MIB2: variants seen among roughly 807,000 people sequenced by gnomAD.
MIB2 encodes MIB E3 ubiquitin protein ligase 2.
Under a neutral mutation model 96.6 loss-of-function variants are expected in MIB2, and 78 were observed. The observed-to-expected ratio is 0.81, with a 90% confidence interval of 0.67 to 0.97. The LOEUF is 0.97. Among genes scored for constraint, MIB2 ranks in the 50% least tolerant of loss-of-function variants. MIB2 has a pLI of 0.00. For missense variants in MIB2, 1,543 were observed against 1,424.0 expected, an observed-to-expected ratio of 1.08 and a Z score of -1.35; for synonymous variants, 820 against 629.5, an observed-to-expected ratio of 1.30 and a Z score of -4.53.
chr1:1,628,570 G>A lies in MIB2; in HGVS notation c.2050G>A (p.Val684Met). The A allele has an allele frequency of 6.2e-7, 1 of 1,601,356 alleles. No homozygotes were observed. Reference sequence around the variant, plus strand: ...CGTGCAACAGGCCCACGTGGGGCTGGTGCCGCTACTGGTGGACGCTGGGTG... The same window carrying A: ...CGTGCAACAGGCCCACGTGGGGCTGATGCCGCTACTGGTGGACGCTGGGTG... ...LAVQQAHVGL[V>M]PLLVDAGCSV... Residue 684 changes from valine to methionine, a missense_variant, in exon 16 of 20, where the codon GTG becomes ATG. Coordinates refer to ENST00000355826, the MANE Select transcript of MIB2 (RefSeq NM_001170687.4).
intron 2 of MIB2, among the ~76,000 whole-genome samples, chr1:1,619,772 C>T (rs1644087981): frequency 6.6e-6 from 1 of 152,200 alleles, no homozygotes; most frequent in South Asian, 2.1e-4. Context: ...GTTCCAGGCA[C>T]AAGAAGTGAG....
rs1043240439 is a variant in MIB2, at chr1:1,623,648, G to A, written c.196G>A (p.Ala66Thr). The stretch of plus-strand genomic sequence containing the variant: ...CCAGGGCACGCGCACCAACTACCGC[G>A]CCGGCTACCAGGGCGCGCACGACCT... ...WDQGTRTNYR[A>T]GYQGAHDLLL... Residue 66 changes from alanine to threonine, a missense_variant, in exon 3 of 20, where the codon GCC (alanine) becomes ACC (threonine). Coordinates refer to ENST00000355826, the MANE Select transcript of MIB2 (RefSeq NM_001170687.4). 8.8e-6 allele frequency: 13 copies of A among 1,477,740 alleles called. 1 individual carries two copies. The highest frequency in any genetic ancestry group is 6.8e-5 in the South Asian group (5 of 73,960). The allele number at this position is 1,477,740 out of a possible 1,614,324, so 91.5% of individuals were successfully genotyped here.
At chr1:1,627,957 T>C in intron 13 of MIB2, 62 bp from the exon 14 acceptor site, 1 of 1,606,792 alleles carries the variant, frequency 6.2e-7, no homozygotes, top group South Asian at 1.1e-5. Flanking sequence ...GCTCCCTGGG[T>C]GCCCTGGCTC....
chr1:1,629,168 G>A lies in MIB2; in HGVS notation c.2238G>A (p.Leu746=). ...CGGGCCTCCCCGGCAGCGCGGAGCT[G>A]ACGGTGGGCGCGGCGGTCGCCTGCT... ...QASGLPGSAE[L]TVGAAVACFL... Residue 746 remains leucine (L), a synonymous_variant, in exon 17 of 20, where the codon CTG becomes CTA. Coordinates refer to ENST00000355826, the MANE Select transcript of MIB2 (RefSeq NM_001170687.4). The A allele has an allele frequency of 6.6e-7, 1 of 1,504,940 alleles. No homozygotes were observed. Among genetic ancestry groups the A allele is most frequent in the Non-Finnish European group, 8.8e-7 (1 of 1,135,056 alleles). 93.2% of individuals were successfully genotyped at this position (1,504,940 alleles called of 1,614,324 possible).
chr1:1,626,605 C>T lies in MIB2; in HGVS notation c.973-45C>T, dbSNP rs1352580965. On this transcript the variant is annotated intron_variant, in intron 8 of 19. Transcript: ENST00000355826. This position sits in a 1 kb window ranked among gnomAD's most constrained non-coding sequence, Gnocchi z 5.3. ...CCTCCTGTTGCATGAGCCTGGGCAG[C>T]CACACACAGCTGGGGGGCCCCTCAC... 6 of 1,459,460 alleles carry T rather than the reference C, an allele frequency of 4.1e-6. No individual in the cohort carries two copies. Among genetic ancestry groups the T allele is most frequent in the Non-Finnish European group, 4.6e-6 (5 of 1,095,490 alleles). 90.4% of individuals were successfully genotyped at this position (1,459,460 alleles called of 1,614,324 possible). A position where few individuals can be genotyped will look rare whatever the true frequency, so the allele number is the denominator to read the frequency against.
rs760006051 is a variant in MIB2 at position 1,623,952 on chromosome 1, C to T, written c.419+7C>T. On this transcript the variant is annotated splice_region_variant and intron_variant, in intron 4 of 19. Transcript: ENST00000355826. ...AGACCGCTCACTCGCGCCCGTGAGT[C>T]CCGGGCCGCACCGGCTCCTGTGCGG... is the stretch of plus-strand genomic sequence containing the variant. The T allele has an allele frequency of 1.1e-5, 18 of 1,600,448 alleles. No individual in the cohort carries two copies. Among genetic ancestry groups the T allele is most frequent in the Non-Finnish European group, 1.5e-5 (18 of 1,171,072 alleles).
intron 19 of MIB2, 91 bp downstream of exon 19, chr1:1,629,795 C>T (rs1267265557): frequency 1.5e-6 from 2 of 1,330,838 alleles, no homozygotes; most frequent in East Asian, 2.8e-5. Flanking sequence ...CACACTTCCG[C>T]CCATGGCCCT....
At chr1:1,628,824 C>A in intron 16 of MIB2, 102 bp downstream of exon 16, 1 of 1,069,530 alleles carries the variant, frequency 9.3e-7, no homozygotes, top group Non-Finnish European at 1.3e-6. Context: ...CCAGTGATGG[C>A]CCAGGGAGCC....
In MIB2 at chr1:1,627,891, T is replaced by G. The variant is rs74047811; in HGVS notation, c.1680+62T>G. 3,086 of 1,593,640 alleles carry G rather than the reference T, an allele frequency of 1.9e-3. 46 individuals carry two copies. In the African/African-American group the frequency reaches 0.037, roughly 19 times the overall value. ...GTGAGTGCTTGTCCCTGGCCTGGGT[T>G]CCCTCTGCCCATGTGTGCTGCTCCC... On this transcript the variant is annotated intron_variant, in intron 13 of 19. Transcript: ENST00000355826.
In MIB2 at chr1:1,627,829, C is replaced by A. The variant is rs769859966; in HGVS notation, c.1680C>A (p.Pro560=). The A allele has an allele frequency of 6.3e-7, 1 of 1,593,152 alleles. No homozygotes were observed. Among genetic ancestry groups the A allele is most frequent in the South Asian group, 1.1e-5 (1 of 90,844 alleles). The part of the protein sequence containing the change: ...LCERGCDVNL[P]DAHSDTPLHS... ...AGCGCGGCTGTGACGTCAACCTGCC[C>A]GTGAGTGCTGCTCCCTGGCCTGGGT... Residue 560 remains proline, a splice_region_variant and synonymous_variant, in exon 13 of 20, where the codon CCC becomes CCA. Transcript: ENST00000355826.
At chr1:1,618,407 A>C (rs1308603121) in intron 2 of MIB2, 1 of 152,382 alleles carries the variant, frequency 6.6e-6, no homozygotes, top group Non-Finnish European at 1.5e-5. Context: ...CCCTTGGGGG[A>C]ACATCTGTCC....
At chr1:1,616,743 T>A in intron 2 of MIB2, 129 bp downstream of exon 2, 1 of 694,762 alleles carries the variant, frequency 1.4e-6, no homozygotes, top group Non-Finnish European at 2.4e-6. Flanking sequence ...GAGTGGTGAG[T>A]AATCCCGCGT....
chr1:1,615,892 C>T, intron 1 of MIB2: 5 of 1,042,218 alleles, frequency 4.8e-6, no homozygotes, highest in Non-Finnish European at 5.8e-6. Flanking sequence ...GGGCCAGCGG[C>T]GCTGGGGTCG....
rs745356242 is a variant in MIB2 at position 1,628,394 on chromosome 1, C to T, written c.1963C>T (p.Arg655Trp). 6.2e-6 allele frequency: 10 copies of T among 1,611,732 alleles called. No homozygotes were observed. In the African/African-American group the frequency reaches 6.7e-5, roughly 11 times the overall value. The change falls in exon 15 of 20, where the codon CGG (arginine) becomes TGG (tryptophan). Residue 655 changes from arginine to tryptophan, a missense_variant. Coordinates refer to ENST00000355826, the MANE Select transcript of MIB2 (RefSeq NM_001170687.4). ...NHREVAQILI[R>W]EGRCDVNVRN... ...CCGCGAGGTGGCCCAGATCCTCATC[C>T]GGGAGGTGCGGACGCGGCCCAGTCC...
intron 19 of MIB2, among the ~76,000 whole-genome samples, chr1:1,629,956 C>T (rs1405216689): frequency 2.1e-5 from 3 of 146,106 alleles, no homozygotes; most frequent in Non-Finnish European, 4.5e-5. Flanking sequence ...CGCTGGATTT[C>T]ACGGCCCCTC....
Position 1,628,085 on chromosome 1 carries a change from G to A in MIB2, c.1747G>A (p.Glu583Lys), listed in dbSNP as rs1469278865. Residue 583 changes from glutamate to lysine, a missense_variant, in exon 14 of 20, where the codon GAG becomes AAG. Glu to Lys is a moderately conservative substitution (Grantham distance 56). Transcript: ENST00000355826. ...SAGTGASGIV[E>K]VLTEVPNIDV... ...GGGCACTGGAGCCAGCGGCATTGTC[G>A]AGGTCCTCACGGAGGTGCCAAACAT... 8.1e-6 allele frequency: 13 copies of A among 1,613,238 alleles called. No individual in the cohort carries two copies. The highest frequency in any genetic ancestry group is 1.7e-4 in the Middle Eastern group (1 of 6,060).
chr1:1,628,894 C>A, intron 16 of MIB2, 172 bp downstream of exon 16: 1 of 730,368 alleles, frequency 1.4e-6, no homozygotes, highest in Non-Finnish European at 2.2e-6. Flanking sequence ...CAGCCTGCAC[C>A]CCTAGGCAGC....
intron 2 of MIB2, 75 bp downstream of exon 2, chr1:1,616,689 CAG>C (rs1261665782): frequency 3.4e-6 from 4 of 1,179,814 alleles, no homozygotes; most frequent in Non-Finnish European, 3.6e-6. Flanking sequence ...GAAGCCACGT[CAG>C]AGAGGCTGTG....
In MIB2 at chr1:1,624,876, C is replaced by A; in HGVS notation, c.501C>A (p.Pro167=). The A allele has an allele frequency of 6.2e-7, 1 of 1,613,014 alleles. No individual in the cohort carries two copies. Among genetic ancestry groups the A allele is most frequent in the Non-Finnish European group, 8.5e-7 (1 of 1,179,944 alleles). Residue 167 remains proline, a synonymous_variant, in exon 5 of 20, where the codon CCC becomes CCA. Transcript: ENST00000355826. ...AGGGAGCGAAGGTGGTGCGAGGCCC[C>A]GACTGGGAGTGGGGCTCACAGGATG... ...IFQGAKVVRG[P]DWEWGSQDGG...
Sources: allele counts gnomAD v4.1 joint callset (sites outside exome capture counted in the v4.1 genomes callset), GRCh38; gene constraint gnomAD v4.1.1; non-coding constraint Gnocchi (gnomAD v3.1); transcripts MANE v1.5; gene names NCBI Gene and HGNC (gene_info 2026-07-23, HGNC 2026-07-21).